The following SRPX variants were observed in gnomAD, a reference collection of about 807,000 sequenced individuals.
The protein encoded by SRPX is sushi repeat containing protein X-linked.
Under a neutral mutation model 38.1 loss-of-function variants are expected in SRPX, and 24 were observed. The ratio of observed to expected loss-of-function variants is 0.63; its 90% CI spans 0.46 to 0.89. The LOEUF (loss-of-function observed/expected upper bound fraction) is 0.89. SRPX is among the 40% of genes least tolerant of loss of function. The probability of loss-of-function intolerance (pLI) is 0.00; values close to 1 mark genes in which losing one functional copy is unlikely to be tolerated. For missense variants in SRPX, 416 were observed against 377.8 expected, an observed-to-expected ratio of 1.10 and a Z score of -0.84; for synonymous variants, 184 against 153.8, an observed-to-expected ratio of 1.20 and a Z score of -1.45.
intron 5 of SRPX, 69 bp downstream of exon 5, chrX:38,164,700 C>T (rs1010740974): frequency 2.6e-6 from 3 of 1,148,034 alleles, no homozygotes; most frequent in South Asian, 1.9e-5. Context: ...ATATACACTC[C>T]CCTACTCTGG....
intron 1 of SRPX, among the ~76,000 whole-genome samples, chrX:38,182,327 TG>T (rs1427646133): frequency 8.9e-6 from 1 of 112,092 alleles, no homozygotes; most frequent in Non-Finnish European, 1.9e-5. Context: ...TAGCTGGCTT[TG>T]GGATCACTGA....
At chrX:38,200,073 T>C (rs140761769) in intron 1 of SRPX, among the ~76,000 whole-genome samples, 97 of 112,219 alleles carry the variant, frequency 8.6e-4, no homozygotes, top group African/African-American at 2.7e-3. Context: ...TCATCTGTGA[T>C]TAGAAATAGC....
chrX:38,197,221 A>T (rs1319041957), intron 1 of SRPX, among the ~76,000 whole-genome samples: 1 of 112,542 alleles, frequency 8.9e-6, no homozygotes, highest in Non-Finnish European at 1.9e-5. Context: ...ACTAAGCTGT[A>T]CACCCAGCAA....
intron 2 of SRPX, 72 bp downstream of exon 2, chrX:38,178,213 G>C: frequency 1.2e-6 from 1 of 863,891 alleles, no homozygotes; most frequent in Non-Finnish European, 1.7e-6. Flanking sequence ...ATTACAATCT[G>C]TTTCACAAGG....
At chrX:38,171,337 T>G (rs951956760) in intron 4 of SRPX, among the ~76,000 whole-genome samples, 8 of 111,269 alleles carry the variant, frequency 7.2e-5, no homozygotes, top group African/African-American at 2.6e-4. Context: ...GGGGGTGGGT[T>G]GGTAAAAATT....
intron 1 of SRPX, among the ~76,000 whole-genome samples, chrX:38,200,679 C>G (rs957666541): frequency 1.8e-5 from 2 of 111,171 alleles, no homozygotes; most frequent in African/African-American, 6.6e-5. Flanking sequence ...TATCAGGAAC[C>G]CATTCTTGAG....
At chrX:38,176,530 C>T (rs1172918815) in intron 2 of SRPX, among the ~76,000 whole-genome samples, 3 of 112,125 alleles carry the variant, frequency 2.7e-5, no homozygotes, top group African/African-American at 9.7e-5. Flanking sequence ...CAGTGGCTCA[C>T]GCCTGTAATC....
At chrX:38,210,275 AC>A (rs779476371) in intron 1 of SRPX, among the ~76,000 whole-genome samples, 2 of 111,372 alleles carry the variant, frequency 1.8e-5, no homozygotes, top group South Asian at 7.7e-4. Context: ...TGGTCTACAG[AC>A]CCCACTTTGA....
At chrX:38,159,926 A>G in intron 7 of SRPX, 91 bp downstream of exon 7, 1 of 1,015,631 alleles carries the variant, frequency 9.8e-7, no homozygotes, top group Non-Finnish European at 1.3e-6. Flanking sequence ...TGAACTTCTC[A>G]AAGTATATGA....
chrX:38,190,044 G>A (rs1056213266), intron 1 of SRPX, among the ~76,000 whole-genome samples: 36 of 112,194 alleles, frequency 3.2e-4, no homozygotes, highest in African/African-American at 1.1e-3. Flanking sequence ...AGCTGCGACT[G>A]GTACGTCGTT....
intron 1 of SRPX, among the ~76,000 whole-genome samples, chrX:38,220,102 C>T (rs765653422): frequency 8.8e-6 from 1 of 113,343 alleles, no homozygotes; most frequent in South Asian, 3.6e-4. Flanking sequence ...AAGTGCATGC[C>T]ACATGTCACC....
chrX:38,182,537 G>A (rs1360201925), intron 1 of SRPX, among the ~76,000 whole-genome samples: 3 of 111,870 alleles, frequency 2.7e-5, no homozygotes, highest in Non-Finnish European at 5.6e-5. Context: ...GATGAACCAT[G>A]ATGACTCTTA....
intron 9 of SRPX, among the ~76,000 whole-genome samples, chrX:38,150,397 G>C (rs1020226227): frequency 1.8e-5 from 2 of 111,903 alleles, no homozygotes; most frequent in Admixed American, 1.9e-4. Flanking sequence ...TTATGAACAG[G>C]GGTGATTTTG....
At chrX:38,205,181 G>A (rs1384946348) in intron 1 of SRPX, among the ~76,000 whole-genome samples, 1 of 112,250 alleles carries the variant, frequency 8.9e-6, no homozygotes, top group Non-Finnish European at 1.9e-5. Context: ...GCAGAAATGT[G>A]TGCAAGTTGT....
intron 1 of SRPX, among the ~76,000 whole-genome samples, chrX:38,181,566 C>T (rs1170091265): frequency 9.0e-6 from 1 of 111,450 alleles, no homozygotes; most frequent in East Asian, 2.8e-4. Context: ...GTGATAATCA[C>T]GGCAGCAACA....
intron 9 of SRPX, among the ~76,000 whole-genome samples, chrX:38,152,874 AT>A (rs1202298747): frequency 2.7e-5 from 3 of 112,641 alleles, no homozygotes; most frequent in African/African-American, 9.7e-5. Context: ...CAACAGCTTC[AT>A]AAAACCTACT....
At chrX:38,191,459 G>T (rs1938902662) in intron 1 of SRPX, among the ~76,000 whole-genome samples, 1 of 111,117 alleles carries the variant, frequency 9.0e-6, no homozygotes, top group African/African-American at 3.3e-5. Context: ...TTAGAATAGG[G>T]GAAAATAGCA....
chrX:38,155,029 A>T (rs768454353), intron 8 of SRPX, among the ~76,000 whole-genome samples: 3 of 110,979 alleles, frequency 2.7e-5, no homozygotes, highest in Non-Finnish European at 5.7e-5. Context: ...AAAGAGGATA[A>T]AAGGTTCCAA....
intron 9 of SRPX, among the ~76,000 whole-genome samples, chrX:38,153,434 A>G (rs1027121496): frequency 9.3e-6 from 1 of 107,715 alleles, no homozygotes; most frequent in Non-Finnish European, 1.9e-5. Flanking sequence ...GAAAGAAGCT[A>G]TTGTGTCTAT....
Sources: allele counts gnomAD v4.1 joint callset (sites outside exome capture counted in the v4.1 genomes callset), GRCh38; gene constraint gnomAD v4.1.1; transcripts MANE v1.5; gene names NCBI Gene and HGNC (gene_info 2026-07-23, HGNC 2026-07-21).